Variants in ZNF518B observed in about 807,000 individuals in gnomAD.
The protein encoded by ZNF518B is zinc finger protein 518B.
Under a neutral mutation model 56.3 loss-of-function variants are expected in ZNF518B, and 23 were observed. The observed-to-expected ratio is 0.41, with a 90% CI of 0.29 to 0.58. The LOEUF (loss-of-function observed/expected upper bound fraction) is 0.58. Ranked by LOEUF, ZNF518B falls within the 20% of genes least tolerant of loss-of-function variation. The pLI is 0.32. For synonymous variants in ZNF518B, 529 were observed against 465.9 expected, an observed-to-expected ratio of 1.14 and a Z score of -1.74; for missense variants, 1,460 against 1,272.1, an observed-to-expected ratio of 1.15 and a Z score of -2.25.
chr4:10,460,449 G>A (rs758788632), upstream of ZNF518B, among the ~76,000 whole-genome samples: 2 of 151,832 alleles, frequency 1.3e-5, no homozygotes, highest in Non-Finnish European at 2.9e-5. Flanking sequence ...TCTGGACCAC[G>A]AGCCTTACAA....
intron 2 of ZNF518B, chr4:10,452,844 G>A (rs944401356): frequency 3.3e-5 from 5 of 152,138 alleles, no homozygotes; most frequent in Non-Finnish European, 5.9e-5. Context: ...TCCTGATGAC[G>A]AAAAATACTT....
chr4:10,459,797 AGG>A (rs1715686116), upstream of ZNF518B, among the ~76,000 whole-genome samples: 1 of 152,180 alleles, frequency 6.6e-6, no homozygotes, highest in African/African-American at 2.4e-5. Context: ...GAGGGTTCAG[AGG>A]GAGCATGGCC....
chr4:10,452,438 C>T (rs1429685327), intron 2 of ZNF518B: 4 of 152,018 alleles, frequency 2.6e-5, no homozygotes, highest in African/African-American at 9.7e-5. Context: ...TCCCAGTAAC[C>T]AAATTTTTAA....
Position 10,442,128 on chromosome 4 carries a change from AG to A in ZNF518B, c.*975del, listed in dbSNP as rs1315200098. 6.6e-6 allele frequency: 1 copy of A among 152,262 alleles called. No homozygotes were observed. The highest frequency in any genetic ancestry group is 1.5e-5 in the Non-Finnish European group (1 of 68,064). 9.4% of individuals were successfully genotyped at this position (152,262 alleles called of 1,614,324 possible). A position where few individuals can be genotyped will look rare whatever the true frequency, so the allele number is the denominator to read the frequency against. The stretch of plus-strand genomic sequence containing the variant: ...TGTCCATGAATCAAAGGGATCAAGA[AG>A]AGAGAAGACAGCATCCACCCATGGT... On this transcript the variant is annotated 3_prime_UTR_variant, in exon 3 of 3. Coordinates refer to ENST00000326756, the MANE Select transcript of ZNF518B (RefSeq NM_053042.3).
At position 10,444,250 on chromosome 4, in the gene ZNF518B, C is replaced by T. The variant is rs1714850042; in HGVS notation, c.2079G>A (p.Gly693=). 1 of 1,614,048 alleles carries T rather than the reference C, an allele frequency of 6.2e-7. No individual in the cohort carries two copies. The change falls in exon 3 of 3, where the codon GGG becomes GGA. Residue 693 remains glycine (G), a synonymous_variant. Coordinates refer to ENST00000326756, the MANE Select transcript of ZNF518B (RefSeq NM_053042.3). ...ASNSAHRRSV[G]QASKGTSKAT... ...CTTTTGAAGTTCCCTTTGATGCCTG[C>T]CCTACAGAGCGACGATGTGCACTAT... is the stretch of plus-strand genomic sequence containing the variant.
rs1420948292 is a variant in ZNF518B, at chr4:10,445,597, T to C, written c.732A>G (p.Lys244=). The C allele has an allele frequency of 6.2e-7, 1 of 1,614,066 alleles. No homozygotes were observed. The highest frequency in any genetic ancestry group is 1.3e-5 in the African/African-American group (1 of 74,942). The change falls in exon 3 of 3, where the codon AAA becomes AAG. Residue 244 remains lysine (K), a synonymous_variant. Transcript: ENST00000326756. ...GTSKQNPELL[K]ASNPRTTFQN... Reference sequence around the variant, plus strand: ...GAAATGTAGTCCGTGGATTGGAAGCTTTTAGAAGCTCTGGGTTTTGTTTTG... The same window carrying C: ...GAAATGTAGTCCGTGGATTGGAAGCCTTTAGAAGCTCTGGGTTTTGTTTTG...
Position 10,445,026 on chromosome 4 carries a change from C to T in ZNF518B, c.1303G>A (p.Val435Ile), listed in dbSNP as rs763805349. ...VQKQLKNVKW[V>I]RSYDFIMPNS... Reference sequence around the variant, plus strand: ...GGCATAATAAAATCATAAGACCTTACCCATTTCACATTTTTAAGCTGTTTC... The same window carrying T: ...GGCATAATAAAATCATAAGACCTTATCCATTTCACATTTTTAAGCTGTTTC... The change falls in exon 3 of 3, where the codon GTA becomes ATA. Residue 435 changes from valine to isoleucine, a missense_variant. Coordinates refer to ENST00000326756, the MANE Select transcript of ZNF518B (RefSeq NM_053042.3). The T allele has an allele frequency of 1.2e-6, 2 of 1,614,170 alleles. No homozygotes were observed. Among genetic ancestry groups the T allele is most frequent in the East Asian group, 4.5e-5 (2 of 44,874 alleles).
chr4:10,449,293 G>A (rs191778987), intron 2 of ZNF518B, among the ~76,000 whole-genome samples: 90 of 152,314 alleles, frequency 5.9e-4, no homozygotes, highest in Non-Finnish European at 1.1e-3. Context: ...AGAAAGGAAA[G>A]GAGATTTTTG....
Position 10,446,160 on chromosome 4 carries a change from T to A in ZNF518B, c.169A>T (p.Ile57Phe). The change falls in exon 3 of 3, where the codon ATT becomes TTT. Residue 57 changes from isoleucine (I) to phenylalanine (F), a missense_variant. Ile to Phe is a conservative substitution (Grantham distance 21, BLOSUM62 0). Transcript: ENST00000326756. Reference sequence around the variant, plus strand: ...CTTTTGCACTTTGCACATGTAGCAATGGTCATCATGGCAGCCTCTGCCTCT... The same window carrying A: ...CTTTTGCACTTTGCACATGTAGCAAAGGTCATCATGGCAGCCTCTGCCTCT... ...GSEAEAAMMTIATCAKCKSVH... is the reference protein window; with the variant it reads ...GSEAEAAMMTFATCAKCKSVH... 1 of 1,614,194 alleles carries A rather than the reference T, an allele frequency of 6.2e-7. No individual in the cohort carries two copies. The highest frequency in any genetic ancestry group is 8.5e-7 in the Non-Finnish European group (1 of 1,180,034).
At chr4:10,460,339 C>CCG (rs1715709946), upstream of ZNF518B, among the ~76,000 whole-genome samples, 1 of 78,772 alleles carries the variant, frequency 1.3e-5, no homozygotes, top group African/African-American at 3.7e-5. Flanking sequence ...AAAAAAAAAA[C>CCG]CGACCATGTA....
upstream of ZNF518B, among the ~76,000 whole-genome samples, chr4:10,459,228 A>C (rs1364611679): frequency 1.3e-5 from 2 of 152,172 alleles, no homozygotes; most frequent in African/African-American, 4.8e-5. Context: ...CAGTAGCCCA[A>C]ATTCAGGGAG....
Position 10,442,884 on chromosome 4 carries a change from T to G in ZNF518B, c.*220A>C. 3 of 506,674 alleles carry G rather than the reference T, an allele frequency of 5.9e-6. No homozygotes were observed. The highest frequency in any genetic ancestry group is 1.0e-5 in the Non-Finnish European group (3 of 288,444). The allele number at this position is 506,674 out of a possible 1,614,324, so 31.4% of individuals were successfully genotyped here. A position where few individuals can be genotyped will look rare whatever the true frequency, so the allele number is the denominator to read the frequency against. On this transcript the variant is annotated 3_prime_UTR_variant, in exon 3 of 3. Coordinates refer to ENST00000326756, the MANE Select transcript of ZNF518B (RefSeq NM_053042.3). ...CAGGCTCTCTCCAGAAAAATGCATA[T>G]GTACCAATTTGCATGTACAATTTCA...
In ZNF518B at chr4:10,450,411, T is replaced by C. The variant is rs148679448; in HGVS notation, c.-211-3872A>G. On this transcript the variant is annotated intron_variant, in intron 2 of 2. Coordinates refer to ENST00000326756, the MANE Select transcript of ZNF518B (RefSeq NM_053042.3). ...AGTAGATGGGAGTTCTCTTTGGCCT[T>C]TGTAACCTGTGTCTAGTAACAGAGG... Among the ~76,000 whole-genome samples the C allele has an allele frequency of 7.1e-3, 1,084 of 152,300 alleles. 8 individuals carry two copies. Among genetic ancestry groups the C allele is most frequent in the Non-Finnish European group, 0.011 (738 of 68,020 alleles).
chr4:10,445,626 T>C lies in ZNF518B; in HGVS notation c.703A>G (p.Thr235Ala), dbSNP rs1308516164. ...AGAAGCTCTGGGTTTTGTTTTGAAG[T>C]TCCGGTTCTTTTTGGCTCCAGCTTG... is the stretch of plus-strand genomic sequence containing the variant. ...VAKLEPKRTG[T>A]SKQNPELLKA... is the part of the protein sequence containing the mutation. Residue 235 changes from threonine to alanine, a missense_variant, in exon 3 of 3, where the codon ACT (threonine) becomes GCT (alanine). Transcript: ENST00000326756. 1.2e-6 allele frequency: 2 copies of C among 1,614,002 alleles called. No individual in the cohort carries two copies. Among genetic ancestry groups the C allele is most frequent in the African/African-American group, 2.7e-5 (2 of 74,900 alleles).
chr4:10,443,082 G>A lies in ZNF518B; in HGVS notation c.*22C>T. 6.3e-7 allele frequency: 1 copy of A among 1,588,332 alleles called. No individual in the cohort carries two copies. Among genetic ancestry groups the A allele is most frequent in the South Asian group, 1.1e-5 (1 of 88,216 alleles). ...ACCAGAATAAACTAAAAGATAACTT[G>A]CTTTAAAGAGTAACTGTTTACTTAT... is the stretch of plus-strand genomic sequence containing the variant. On this transcript the variant is annotated 3_prime_UTR_variant, in exon 3 of 3. Coordinates refer to ENST00000326756, the MANE Select transcript of ZNF518B (RefSeq NM_053042.3).
rs2108989145 is a variant in ZNF518B, at chr4:10,446,498, C to CA, written c.-171dup. The CA allele has an allele frequency of 1.7e-6, 1 of 579,860 alleles. No individual in the cohort carries two copies. The highest frequency in any genetic ancestry group is 3.0e-5 in the South Asian group (1 of 32,988). The allele number at this position is 579,860 out of a possible 1,614,324, so 35.9% of individuals were successfully genotyped here. On this transcript the variant is annotated 5_prime_UTR_variant, in exon 3 of 3. It introduces an in-frame stop codon into an upstream open reading frame of the 5' UTR. Transcript: ENST00000326756. ...TACTGCCGCAGTAGGTGCATGATCC[C>CA]AAAATATGACTGCTTTCAGCTCTCT...
Position 10,442,648 on chromosome 4 carries a change from C to A in ZNF518B, c.*456G>T. ...AGTAGAAAATATAATTTCCATTGTG[C>A]ACCAAATACTCAGAACACAAATTAA... On this transcript the variant is annotated 3_prime_UTR_variant, in exon 3 of 3. Transcript: ENST00000326756. 1 of 157,092 alleles carries A rather than the reference C, an allele frequency of 6.4e-6. No individual in the cohort carries two copies. Among genetic ancestry groups the A allele is most frequent in the Non-Finnish European group, 1.4e-5 (1 of 70,764 alleles). The allele number at this position is 157,092 out of a possible 1,614,324, so 9.7% of individuals were successfully genotyped here. A position where few individuals can be genotyped will look rare whatever the true frequency, so the allele number is the denominator to read the frequency against.
rs1289629675 is a variant in ZNF518B, at chr4:10,441,850, AG to A, written c.*1253del. ...TGCTTCCCTGAGAAAGCTGAGCAGC[AG>A]GGTAAGCATGAATGTGGTTAAGACA... On this transcript the variant is annotated 3_prime_UTR_variant, in exon 3 of 3. Coordinates refer to ENST00000326756, the MANE Select transcript of ZNF518B (RefSeq NM_053042.3). 6.6e-6 allele frequency: 1 copy of A among 152,272 alleles called. No homozygotes were observed. The highest frequency in any genetic ancestry group is 6.5e-5 in the Admixed American group (1 of 15,288). The allele number at this position is 152,272 out of a possible 1,614,324, so 9.4% of individuals were successfully genotyped here.
In ZNF518B at chr4:10,455,614, G is replaced by T. The variant is rs563322271; in HGVS notation, c.-395-626C>A. Among the ~76,000 whole-genome samples the T allele has an allele frequency of 6.2e-5, 9 of 145,212 alleles. No individual in the cohort carries two copies. The South Asian group carries it at 1.9e-3, about 31-fold the overall frequency. ...AAATAAATCTCTAGAGATCTAAATG[G>T]ATTTTTTTAATTGCCATTTTGCATT... is the stretch of plus-strand genomic sequence containing the variant. On this transcript the variant is annotated intron_variant, in intron 1 of 2. Coordinates refer to ENST00000326756, the MANE Select transcript of ZNF518B (RefSeq NM_053042.3).
Sources: gnomAD v4.1 joint callset for allele counts (sites outside exome capture counted in the v4.1 genomes callset) on GRCh38, gnomAD v4.1.1 for gene constraint, MANE v1.5 for transcripts, NCBI Gene and HGNC (gene_info 2026-07-23, HGNC 2026-07-21) for gene names.